Variants in NUP153 observed in about 807,000 individuals in gnomAD.
NUP153 encodes the protein nucleoporin 153.
NUP153 carries 27 observed loss-of-function variants against 134.6 expected under a neutral mutation model. The ratio of observed to expected loss-of-function variants is 0.20; its 90% CI spans 0.15 to 0.28. The LOEUF (loss-of-function observed/expected upper bound fraction) is 0.28, where lower values mean the gene tolerates loss of function less well. NUP153 is among the 10% of genes least tolerant of loss of function. The pLI, the probability that NUP153 is intolerant of heterozygous loss-of-function variation, is 1.00. For synonymous variants in NUP153, 640 were observed against 623.5 expected, an observed-to-expected ratio of 1.03 and a Z score of -0.40; for missense variants, 1,821 against 1,731.3, an observed-to-expected ratio of 1.05 and a Z score of -0.92.
At chr6:17,670,805 AATTTTTT>A (rs1461731558) in intron 5 of NUP153, among the ~76,000 whole-genome samples, 5 of 151,946 alleles carry the variant, frequency 3.3e-5, no homozygotes, top group Middle Eastern at 3.4e-3. Flanking sequence ...AAATCCCATT[AATTTTTT>A]ATTTTTTATT....
At position 17,669,356 on chromosome 6, in the gene NUP153, T is replaced by C; in HGVS notation, c.970-19A>G. On this transcript the variant is annotated intron_variant, in intron 6 of 21. Transcript: ENST00000262077. ...TTGCATCCTGTTAAAGTTGAAAAAA[T>C]AACAAAATTAAGATTTTTCAATAAT... 6.2e-7 allele frequency: 1 copy of C among 1,605,780 alleles called. No homozygotes were observed. Among genetic ancestry groups the C allele is most frequent in the Non-Finnish European group, 8.5e-7 (1 of 1,172,706 alleles).
chr6:17,703,535 T>C (rs1479029897), intron 1 of NUP153, among the ~76,000 whole-genome samples: 1 of 152,042 alleles, frequency 6.6e-6, no homozygotes, highest in African/African-American at 2.4e-5. Context: ...TGCTTCATGA[T>C]GACTCAGCAG....
At chr6:17,684,827 A>T (rs1768811926) in intron 2 of NUP153, among the ~76,000 whole-genome samples, 1 of 152,230 alleles carries the variant, frequency 6.6e-6, no homozygotes, top group South Asian at 2.1e-4. Flanking sequence ...AGGCCCAGAA[A>T]GAGGGAGAAA....
At chr6:17,695,583 G>A (rs1459955911) in intron 1 of NUP153, among the ~76,000 whole-genome samples, 1 of 152,058 alleles carries the variant, frequency 6.6e-6, no homozygotes, top group East Asian at 1.9e-4. Context: ...GCCGACCTTC[G>A]AGTTGATTTC....
At chr6:17,653,487 CTT>C (rs1443173994) in intron 11 of NUP153, among the ~76,000 whole-genome samples, 1 of 152,180 alleles carries the variant, frequency 6.6e-6, no homozygotes, top group Non-Finnish European at 1.5e-5. Context: ...AAATGGCACA[CTT>C]TAGAAAACAG....
chr6:17,627,928 CTG>C (rs1215702991), intron 18 of NUP153, among the ~76,000 whole-genome samples: 1 of 152,144 alleles, frequency 6.6e-6, no homozygotes, highest in African/African-American at 2.4e-5. Flanking sequence ...AAATTTTCTT[CTG>C]TCACTTCTTT....
intron 1 of NUP153, among the ~76,000 whole-genome samples, chr6:17,699,375 C>A (rs1461959805): frequency 6.6e-6 from 1 of 150,950 alleles, no homozygotes; most frequent in African/African-American, 2.4e-5. Flanking sequence ...GCGTGCTACT[C>A]CAGAGGCTGA....
intron 1 of NUP153, among the ~76,000 whole-genome samples, chr6:17,704,539 T>A (rs1770347418): frequency 6.6e-6 from 1 of 152,128 alleles, no homozygotes; most frequent in Non-Finnish European, 1.5e-5. Flanking sequence ...TTAAATCTGC[T>A]CGCAAATACC....
chr6:17,635,346 T>C (rs988244311), intron 16 of NUP153, among the ~76,000 whole-genome samples: 1 of 152,020 alleles, frequency 6.6e-6, no homozygotes, highest in Admixed American at 6.6e-5. Context: ...CCTGACCTGG[T>C]GATCCACTCG....
rs1468713744 is a variant in NUP153, at chr6:17,674,908, A to G, written c.849T>C (p.Tyr283=). The change falls in exon 5 of 22, where the codon TAT becomes TAC. Residue 283 remains tyrosine (Y), a synonymous_variant. Coordinates refer to ENST00000262077, the MANE Select transcript of NUP153 (RefSeq NM_005124.4). ...CAACCCTTCTATTGGAACCTACCTGATAAGGTGTATTTCGTAGTTTAGACT... is the reference window on the plus strand; with the variant it reads ...CAACCCTTCTATTGGAACCTACCTGGTAAGGTGTATTTCGTAGTTTAGACT... ...VRQSKLRNTP[Y]QAPVRRQMKA... 6.3e-7 allele frequency: 1 copy of G among 1,595,422 alleles called. No homozygotes were observed. Among genetic ancestry groups the G allele is most frequent in the East Asian group, 2.3e-5 (1 of 44,418 alleles).
At chr6:17,702,302 T>C (rs1172673476) in intron 1 of NUP153, among the ~76,000 whole-genome samples, 1 of 151,968 alleles carries the variant, frequency 6.6e-6, no homozygotes, top group East Asian at 1.9e-4. Context: ...GGTCAGGAGA[T>C]CGAGAACATC....
Position 17,669,043 on chromosome 6 carries a change from A to AC in NUP153, c.1015-16_1015-15insG. 1 of 1,498,548 alleles carries AC rather than the reference A, an allele frequency of 6.7e-7. No individual in the cohort carries two copies. Among genetic ancestry groups the AC allele is most frequent in the Non-Finnish European group, 8.9e-7 (1 of 1,121,328 alleles). 92.8% of individuals were successfully genotyped at this position (1,498,548 alleles called of 1,614,324 possible). Reference sequence around the variant, plus strand: ...CTATCAAGAGGCTGAAAAAAAAAAAAAACACTATTAGAATAGATGGGGAGT... The same window carrying AC: ...CTATCAAGAGGCTGAAAAAAAAAAAACAACACTATTAGAATAGATGGGGAGT... On this transcript the variant is annotated splice_polypyrimidine_tract_variant and intron_variant, in intron 7 of 21. Coordinates refer to ENST00000262077, the MANE Select transcript of NUP153 (RefSeq NM_005124.4).
chr6:17,632,729 G>A lies in NUP153; in HGVS notation c.2580C>T (p.Cys860=). The part of the protein sequence containing the change: ...KPEGSWDCEL[C]LVQNKADSTK... ...TAGAGTCTGCCTTATTCTGCACTAG[G>A]CACAATTCACAGTCCCAGCTTCCCT... The change falls in exon 17 of 22, where the codon TGC becomes TGT. Residue 860 remains cysteine, a synonymous_variant. Coordinates refer to ENST00000262077, the MANE Select transcript of NUP153 (RefSeq NM_005124.4). 2 of 1,613,048 alleles carry A rather than the reference G, an allele frequency of 1.2e-6. No individual in the cohort carries two copies. The highest frequency in any genetic ancestry group is 1.7e-6 in the Non-Finnish European group (2 of 1,179,764).
intron 5 of NUP153, among the ~76,000 whole-genome samples, chr6:17,673,112 T>C (rs1006574774): frequency 6.6e-6 from 1 of 152,188 alleles, no homozygotes; most frequent in Non-Finnish European, 1.5e-5. Context: ...CTCACGCCTG[T>C]AATCCCAGCA....
chr6:17,627,968 T>C (rs1385808601), intron 18 of NUP153, among the ~76,000 whole-genome samples: 1 of 152,228 alleles, frequency 6.6e-6, no homozygotes, highest in Non-Finnish European at 1.5e-5. Flanking sequence ...TCTTATCTTC[T>C]AGGCCACTCC....
chr6:17,642,212 A>G (rs1214124348), intron 14 of NUP153, among the ~76,000 whole-genome samples: 1 of 152,218 alleles, frequency 6.6e-6, no homozygotes, highest in Non-Finnish European at 1.5e-5. Flanking sequence ...GCACAGCAAC[A>G]GAAGAAAAAA....
intron 1 of NUP153, among the ~76,000 whole-genome samples, chr6:17,691,833 T>C (rs1037968863): frequency 2.0e-5 from 3 of 152,048 alleles, no homozygotes; most frequent in East Asian, 1.9e-4. Context: ...TTTTTTTTTT[T>C]CCAGAGACCT....
intron 20 of NUP153, among the ~76,000 whole-genome samples, chr6:17,617,906 CAGA>C (rs932459793): frequency 3.3e-5 from 5 of 152,048 alleles, no homozygotes; most frequent in African/African-American, 1.2e-4. Flanking sequence ...CGCACCAGAA[CAGA>C]AGTTTAGTGT....
chr6:17,629,564 A>G (rs752572004), intron 17 of NUP153, 25 bp from the exon 18 acceptor site: 2 of 1,553,570 alleles, frequency 1.3e-6, no homozygotes, highest in East Asian at 2.2e-5. Context: ...AAGACACCAC[A>G]TAGACACTCA....
Sources: allele counts gnomAD v4.1 joint callset (sites outside exome capture counted in the v4.1 genomes callset), GRCh38; gene constraint gnomAD v4.1.1; transcripts MANE v1.5; gene names NCBI Gene and HGNC (gene_info 2026-07-23, HGNC 2026-07-21).